SHANK2: variants seen among roughly 807,000 people sequenced by gnomAD.
The protein encoded by SHANK2 is SH3 and multiple ankyrin repeat domains protein 2.
Under a neutral mutation model 133.7 loss-of-function variants are expected in SHANK2, and 43 were observed. The ratio of observed to expected loss-of-function variants is 0.32; its 90% CI spans 0.25 to 0.41. The LOEUF is 0.41. Among genes scored for constraint, SHANK2 ranks in the 10% least tolerant of loss-of-function variants. The pLI is 1.00. For missense variants in SHANK2, 1,994 were observed against 2,235.8 expected, an observed-to-expected ratio of 0.89 and a Z score of 2.18; for synonymous variants, 1,017 against 952.8, an observed-to-expected ratio of 1.07 and a Z score of -1.24.
Position 70,515,637 on chromosome 11 carries a change from G to GAAAAAAAAAAA in SHANK2, c.2062-12717_2062-12707dup, listed in dbSNP as rs58440823. 3.4e-4 allele frequency among the ~76,000 whole-genome samples: 27 copies of GAAAAAAAAAAA among 79,954 alleles called. 2 individuals carry two copies. Among genetic ancestry groups the GAAAAAAAAAAA allele is most frequent in the African/African-American group, 1.4e-3 (26 of 18,446 alleles). The allele number at this position is 79,954 out of a possible 152,430, so 52.5% of individuals were successfully genotyped here. A position where few individuals can be genotyped will look rare whatever the true frequency, so the allele number is the denominator to read the frequency against. On this transcript the variant is annotated intron_variant, in intron 17 of 25. Transcript: ENST00000601538. The stretch of plus-strand genomic sequence containing the variant: ...GCAGCATAGTGAGACCTCGTTCCTT[G>GAAAAAAAAAAA]AAAAAAAAAAAAAAAAAAAAAAACA...
intron 10 of SHANK2, among the ~76,000 whole-genome samples, chr11:70,918,994 T>C (rs1004173994): frequency 6.6e-6 from 1 of 152,010 alleles, no homozygotes; most frequent in Admixed American, 6.5e-5. Flanking sequence ...TAAGACCCCA[T>C]TTCTACAAAA....
At chr11:71,140,856 G>GC in intron 3 of SHANK2, among the ~76,000 whole-genome samples, 1 of 152,366 alleles carries the variant, frequency 6.6e-6, no homozygotes, top group East Asian at 1.9e-4. Context: ...CTGCCTGCTG[G>GC]CTGCCTTCCT....
At chr11:70,953,544 T>C (rs1950875067) in intron 10 of SHANK2, among the ~76,000 whole-genome samples, 1 of 152,094 alleles carries the variant, frequency 6.6e-6, no homozygotes, top group Admixed American at 6.5e-5. Flanking sequence ...ACTTGGAGTC[T>C]GCTGTTCCAG....
intron 16 of SHANK2, among the ~76,000 whole-genome samples, chr11:70,660,858 G>A (rs1035456243): frequency 2.0e-5 from 3 of 152,252 alleles, no homozygotes. Context: ...GGCACAGCGC[G>A]TAAGCTCCAA....
chr11:71,060,234 T>C (rs1950971822), intron 9 of SHANK2, among the ~76,000 whole-genome samples: 2 of 152,158 alleles, frequency 1.3e-5, no homozygotes, highest in African/African-American at 2.4e-5. Flanking sequence ...TTGTGAGGCA[T>C]CCTGCAATTA....
intron 2 of SHANK2, among the ~76,000 whole-genome samples, chr11:71,191,411 G>A (rs1381261040): frequency 1.3e-5 from 2 of 151,938 alleles, no homozygotes; most frequent in African/African-American, 4.8e-5. Flanking sequence ...GCACAGGGCT[G>A]GGTCCTCCTG....
At chr11:71,200,864 AC>A (rs1954005996) in intron 2 of SHANK2, among the ~76,000 whole-genome samples, 1 of 149,250 alleles carries the variant, frequency 6.7e-6, no homozygotes, top group South Asian at 2.1e-4. Context: ...ACACACACAC[AC>A]TTCAGATCTT....
At chr11:70,788,305 C>G (rs1320237368) in intron 14 of SHANK2, among the ~76,000 whole-genome samples, 1 of 152,198 alleles carries the variant, frequency 6.6e-6, no homozygotes, top group Non-Finnish European at 1.5e-5. Flanking sequence ...CAGCAGCTTC[C>G]CTTTATCCAT....
At chr11:71,221,435 G>A (rs1326618988) in intron 2 of SHANK2, among the ~76,000 whole-genome samples, 2 of 152,088 alleles carry the variant, frequency 1.3e-5, no homozygotes, top group African/African-American at 4.8e-5. Flanking sequence ...TCCTTCCCTG[G>A]CAAATGCCGC....
intron 3 of SHANK2, among the ~76,000 whole-genome samples, chr11:71,124,130 T>C (rs1329814682): frequency 1.1e-5 from 1 of 93,610 alleles, no homozygotes; most frequent in African/African-American, 4.1e-5. Context: ...TGATGGTGAT[T>C]GATGGTGATA....
At chr11:71,148,018 C>A (rs1348649341) in intron 2 of SHANK2, among the ~76,000 whole-genome samples, 2 of 151,460 alleles carry the variant, frequency 1.3e-5, no homozygotes, top group African/African-American at 2.4e-5. Flanking sequence ...AGGTCAAGTG[C>A]AATAAAAATT....
intron 11 of SHANK2, among the ~76,000 whole-genome samples, chr11:70,858,639 G>T (rs1166591982): frequency 1.3e-5 from 2 of 152,190 alleles, no homozygotes; most frequent in Non-Finnish European, 2.9e-5. Flanking sequence ...CTTAACAACA[G>T]CAATCATGGA....
intron 17 of SHANK2, among the ~76,000 whole-genome samples, chr11:70,636,338 A>G (rs1555004001): frequency 6.6e-6 from 1 of 151,816 alleles, no homozygotes; most frequent in East Asian, 1.9e-4. Flanking sequence ...AGCATGTGTG[A>G]ATGCGTGTTA....
intron 1 of SHANK2, among the ~76,000 whole-genome samples, chr11:71,248,309 T>C (rs1405484796): frequency 6.6e-6 from 1 of 152,220 alleles, no homozygotes; most frequent in Non-Finnish European, 1.5e-5. Context: ...TCAAGAAGTA[T>C]GATGAGAAAC....
chr11:70,847,091 G>T (rs1317992107), intron 11 of SHANK2, among the ~76,000 whole-genome samples: 1 of 152,150 alleles, frequency 6.6e-6, no homozygotes, highest in Non-Finnish European at 1.5e-5. Context: ...TCAAGAGGAG[G>T]GGACCTCTGC....
chr11:70,746,946 TCCACCCCCCTCCCTCCACCCCA>T (rs1267813967), intron 14 of SHANK2, among the ~76,000 whole-genome samples: 11 of 81,748 alleles, frequency 1.3e-4, no homozygotes, highest in African/African-American at 2.1e-4. Context: ...CCTTTACCCC[TCCACCCCCCTCCCTCCACCCCA>T]GCACTCCCCT....
At chr11:70,645,912 A>G (rs577445277) in intron 17 of SHANK2, among the ~76,000 whole-genome samples, 17 of 152,204 alleles carry the variant, frequency 1.1e-4, no homozygotes, top group African/African-American at 3.9e-4. Flanking sequence ...CTCCCTCATC[A>G]TCACCTGTGA....
At chr11:71,199,620 A>C (rs1315525868) in intron 2 of SHANK2, among the ~76,000 whole-genome samples, 1 of 152,238 alleles carries the variant, frequency 6.6e-6, no homozygotes, top group African/African-American at 2.4e-5. Context: ...CGAAGGGAGC[A>C]TGCAGGGAAG....
chr11:70,645,628 T>A (rs2061249548), intron 17 of SHANK2, among the ~76,000 whole-genome samples: 1 of 152,046 alleles, frequency 6.6e-6, no homozygotes, highest in Non-Finnish European at 1.5e-5. Context: ...AAGAGAATGA[T>A]GCATATGTCA....
Sources: gnomAD v4.1 joint callset for allele counts (sites outside exome capture counted in the v4.1 genomes callset) on GRCh38, gnomAD v4.1.1 for gene constraint, MANE v1.5 for transcripts, NCBI Gene and HGNC (gene_info 2026-07-23, HGNC 2026-07-21) for gene names.